The following HAGH variants were observed in gnomAD, a reference collection of about 807,000 sequenced individuals.
HAGH encodes the protein hydroxyacylglutathione hydrolase.
HAGH carries 29 observed loss-of-function variants against 35.1 expected under a neutral mutation model. The ratio of observed to expected loss-of-function variants is 0.83; its 90% CI spans 0.62 to 1.13. The LOEUF (loss-of-function observed/expected upper bound fraction) is 1.13, where lower values mean the gene tolerates loss of function less well. Ranked by LOEUF, HAGH falls within the 50% of genes most tolerant of loss-of-function variation. The probability of loss-of-function intolerance (pLI) is 0.00; values close to 1 mark genes in which losing one functional copy is unlikely to be tolerated. For missense variants in HAGH, 478 were observed against 419.6 expected (o/e 1.14, Z -1.22); for synonymous variants, 225 against 176.1 (o/e 1.28, Z -2.20).
intron 7 of HAGH, among the ~76,000 whole-genome samples, chr16:1,813,268 C>G (rs1021205778): frequency 4.6e-5 from 7 of 152,160 alleles, no homozygotes; most frequent in Non-Finnish European, 7.4e-5. Flanking sequence ...TGCTTCACAC[C>G]CACCAGCTCC....
At chr16:1,824,309 A>C (rs1271691526) in intron 1 of HAGH, among the ~76,000 whole-genome samples, 1 of 141,838 alleles carries the variant, frequency 7.1e-6, no homozygotes, top group East Asian at 2.3e-4. Flanking sequence ...TTTGAGACGG[A>C]AAGTTGGCCA....
At chr16:1,814,006 A>G (rs1009647531) in intron 7 of HAGH, among the ~76,000 whole-genome samples, 1 of 152,166 alleles carries the variant, frequency 6.6e-6, no homozygotes, top group Non-Finnish European at 1.5e-5. Context: ...GAGAGGGTGA[A>G]CCTCTACCCT....
In HAGH at chr16:1,808,887, G is replaced by A. The variant is rs1624387; in HGVS notation, c.*396C>T. On this transcript the variant is annotated 3_prime_UTR_variant, in exon 9 of 9. Transcript: ENST00000397356. ...CCACCTCTCCCTGCCGGGGGCCTGA[G>A]CAGATCAGACCACAAGCACAGGCTG... 0.76 allele frequency: 135,499 copies of A among 179,082 alleles called. 51,406 individuals carry two copies. Among genetic ancestry groups the A allele is most frequent in the Middle Eastern group, 0.81 (333 of 410 alleles). The allele number at this position is 179,082 out of a possible 1,614,324, so 11.1% of individuals were successfully genotyped here. A position where few individuals can be genotyped will look rare whatever the true frequency, so the allele number is the denominator to read the frequency against.
At chr16:1,825,323 G>C (rs1460504724) in intron 1 of HAGH, among the ~76,000 whole-genome samples, 3 of 152,130 alleles carry the variant, frequency 2.0e-5, no homozygotes, top group Non-Finnish European at 4.4e-5. Context: ...CTGGTGCTCA[G>C]CCTCCCCTGG....
chr16:1,824,691 C>T (rs932904734), intron 1 of HAGH, among the ~76,000 whole-genome samples: 5 of 152,166 alleles, frequency 3.3e-5, no homozygotes, highest in African/African-American at 1.2e-4. Flanking sequence ...CACCGAAATG[C>T]GGAATCCGAC....
chr16:1,826,982 G>T (rs929492834), upstream of HAGH: 10 of 610,382 alleles, frequency 1.6e-5, no homozygotes, highest in African/African-American at 7.8e-5. Context: ...GCCGGGAGAC[G>T]GGCCTGGGAG....
chr16:1,816,523 A>G (rs1897901025), intron 7 of HAGH, among the ~76,000 whole-genome samples: 1 of 152,116 alleles, frequency 6.6e-6, no homozygotes, highest in Non-Finnish European at 1.5e-5. Flanking sequence ...GGCCTGGGCT[A>G]CGCCATGGAG....
chr16:1,817,141 C>G, intron 6 of HAGH, 27 bp downstream of exon 6: 1 of 1,517,742 alleles, frequency 6.6e-7, no homozygotes, highest in Non-Finnish European at 9.2e-7. Flanking sequence ...CCCCCCACAC[C>G]CCGGCCCGCA....
intron 7 of HAGH, among the ~76,000 whole-genome samples, chr16:1,814,928 TATACAC>T (rs1555467318): frequency 2.8e-4 from 8 of 28,082 alleles, no homozygotes; most frequent in African/African-American, 5.8e-4. Context: ...TATATATGTA[TATACAC>T]ACACACACAC....
chr16:1,817,085 C>T (rs1196652370), intron 6 of HAGH, 83 bp downstream of exon 6: 24 of 1,330,378 alleles, frequency 1.8e-5, no homozygotes, highest in Non-Finnish European at 2.4e-5. Context: ...GGGGGGTGTC[C>T]GGTGAGAGGG....
chr16:1,812,900 T>C (rs894560963), intron 7 of HAGH, among the ~76,000 whole-genome samples: 1 of 151,320 alleles, frequency 6.6e-6, no homozygotes, highest in Non-Finnish European at 1.5e-5. Context: ...CCGTGTGGTG[T>C]GCCGAAAGAC....
intron 3 of HAGH, 43 bp from the exon 4 acceptor site, chr16:1,820,057 GGGGCTGCCTGCT>G: frequency 8.6e-6 from 2 of 232,458 alleles, no homozygotes; most frequent in South Asian, 6.8e-5. Context: ...CTGAGCTGAG[GGGGCTGCCTGCT>G]GAGCTGAGGG....
chr16:1,822,275 C>G (rs772001752), intron 3 of HAGH, 25 bp downstream of exon 3: 1 of 1,536,764 alleles, frequency 6.5e-7, no homozygotes, highest in Non-Finnish European at 9.0e-7. Flanking sequence ...AGGTCCCACA[C>G]CCCCAGGTGA....
At chr16:1,826,877 G>A, upstream of HAGH, 3 of 839,966 alleles carry the variant, frequency 3.6e-6, no homozygotes, top group Non-Finnish European at 3.3e-6. Flanking sequence ...GCCTCGCGCT[G>A]CCCTCAGCCA....
intron 1 of HAGH, 56 bp downstream of exon 1, chr16:1,826,656 G>C: frequency 1.0e-6 from 1 of 963,678 alleles, no homozygotes; most frequent in Non-Finnish European, 1.2e-6. Flanking sequence ...GGCGCCGCCC[G>C]CTGCCCGCCC....
chr16:1,815,595 G>A (rs928535451), intron 7 of HAGH, among the ~76,000 whole-genome samples: 2 of 152,226 alleles, frequency 1.3e-5, no homozygotes, highest in African/African-American at 4.8e-5. Flanking sequence ...AGCAACAGCT[G>A]GCGGGGACGC....
In HAGH at chr16:1,808,988, C is replaced by G; in HGVS notation, c.*295G>C. Reference sequence around the variant, plus strand: ...CAAGGCCACAGCAAAGGCACCGGCTCACGCCTGACCTGAAGCGTGGGTGGG... The same window carrying G: ...CAAGGCCACAGCAAAGGCACCGGCTGACGCCTGACCTGAAGCGTGGGTGGG... On this transcript the variant is annotated 3_prime_UTR_variant, in exon 9 of 9. Coordinates refer to ENST00000397356, the MANE Select transcript of HAGH (RefSeq NM_005326.6). 2.5e-6 allele frequency: 1 copy of G among 402,472 alleles called. No individual in the cohort carries two copies. Among genetic ancestry groups the G allele is most frequent in the Non-Finnish European group, 4.5e-6 (1 of 221,948 alleles). The allele number at this position is 402,472 out of a possible 1,614,324, so 24.9% of individuals were successfully genotyped here.
At position 1,807,987 on chromosome 16, in the gene HAGH, G is replaced by C. The variant is rs1319692544; in HGVS notation, c.*1296C>G. 6.6e-6 allele frequency: 1 copy of C among 152,356 alleles called. No homozygotes were observed. Among genetic ancestry groups the C allele is most frequent in the African/African-American group, 2.4e-5 (1 of 41,468 alleles). The allele number at this position is 152,356 out of a possible 1,614,324, so 9.4% of individuals were successfully genotyped here. On this transcript the variant is annotated 3_prime_UTR_variant, in exon 9 of 9. Coordinates refer to ENST00000397356, the MANE Select transcript of HAGH (RefSeq NM_005326.6). ...TGGCAGAGGGTGTGGGCCCCACACAGAGTCACCTCCCCTCACAGCTCACTG... is the reference window on the plus strand; with the variant it reads ...TGGCAGAGGGTGTGGGCCCCACACACAGTCACCTCCCCTCACAGCTCACTG...
At chr16:1,819,334 T>C (rs1227061215) in intron 4 of HAGH, 111 bp from the exon 5 acceptor site, 1 of 650,828 alleles carries the variant, frequency 1.5e-6, no homozygotes, top group Non-Finnish European at 2.7e-6. Context: ...CTGAGGGAAA[T>C]GCCCGTGAAG....
Sources: gnomAD v4.1 joint callset for allele counts (sites outside exome capture counted in the v4.1 genomes callset) on GRCh38, gnomAD v4.1.1 for gene constraint, MANE v1.5 for transcripts, NCBI Gene and HGNC (gene_info 2026-07-23, HGNC 2026-07-21) for gene names.